The following PACS2 variants were observed in gnomAD, a reference collection of about 807,000 sequenced individuals.
PACS2 encodes phosphofurin acidic cluster sorting protein 2, also known as PACS1-like protein.
PACS2 carries 36 observed loss-of-function variants against 113.0 expected under a neutral mutation model. That is an observed-to-expected ratio of 0.32 (90% CI 0.24 to 0.42). PACS2 has a LOEUF of 0.42. PACS2 is among the 10% of genes least tolerant of loss of function. The pLI, the probability that PACS2 is intolerant of heterozygous loss-of-function variation, is 1.00. For synonymous variants in PACS2, 589 were observed against 536.1 expected, an observed-to-expected ratio of 1.10 and a Z score of -1.36; for missense variants, 1,015 against 1,239.5, an observed-to-expected ratio of 0.82 and a Z score of 2.72.
chr14:105,322,019 A>G (rs1595565082), intron 1 of PACS2, among the ~76,000 whole-genome samples: 2 of 149,720 alleles, frequency 1.3e-5, no homozygotes, highest in South Asian at 4.3e-4. Flanking sequence ...GCTCACTGCA[A>G]CCTCTCCTCC....
Position 105,315,641 on chromosome 14 carries a change from C to G in PACS2, c.119+604C>G, listed in dbSNP as rs2058568303. The stretch of plus-strand genomic sequence containing the variant: ...CAGTTGATCTTGCCATTGCGGAAGA[C>G]TGGCTGTTCTGCACTTGGTAGGGGG... On this transcript the variant is annotated intron_variant, in intron 1 of 24. Transcript: ENST00000447393. This position sits in a 1 kb window ranked among gnomAD's most constrained non-coding sequence, Gnocchi z 4.4. 6.6e-6 allele frequency: 1 copy of G among 152,294 alleles called. No homozygotes were observed. The highest frequency in any genetic ancestry group is 2.4e-5 in the African/African-American group (1 of 41,476). The allele number at this position is 152,294 out of a possible 1,614,324, so 9.4% of individuals were successfully genotyped here. A position where few individuals can be genotyped will look rare whatever the true frequency, so the allele number is the denominator to read the frequency against.
chr14:105,393,325 C>T lies in PACS2; in HGVS notation c.2586C>T (p.Asn862=). Reference sequence around the variant, plus strand: ...TCTGCACTGCCAGGCAGCAGCAGAACATGCTGCGGGGTGAGCACCACCGGC... The same window carrying T: ...TCTGCACTGCCAGGCAGCAGCAGAATATGCTGCGGGGTGAGCACCACCGGC... The part of the protein sequence containing the change: ...RLICTARQQQ[N]MLRVLIDGVE... Residue 862 remains asparagine, a synonymous_variant, in exon 24 of 25, where the codon AAC becomes AAT. Coordinates refer to ENST00000447393, the MANE Select transcript of PACS2 (RefSeq NM_001100913.3). The T allele has an allele frequency of 3.1e-6, 5 of 1,607,252 alleles. No individual in the cohort carries two copies. The highest frequency in any genetic ancestry group is 4.3e-6 in the Non-Finnish European group (5 of 1,176,388).
At chr14:105,334,810 G>A (rs587622420) in intron 1 of PACS2, among the ~76,000 whole-genome samples, 2 of 152,234 alleles carry the variant, frequency 1.3e-5, no homozygotes, top group East Asian at 1.9e-4. Context: ...AGCTCATAAC[G>A]TGCACTGCGG....
Position 105,356,828 on chromosome 14 carries a change from G to A in PACS2, c.423+1651G>A, listed in dbSNP as rs1191712961. 6.6e-6 allele frequency among the ~76,000 whole-genome samples: 1 copy of A among 150,692 alleles called. No individual in the cohort carries two copies. Among genetic ancestry groups the A allele is most frequent in the East Asian group, 1.9e-4 (1 of 5,166 alleles). On this transcript the variant is annotated intron_variant, in intron 4 of 24. Coordinates refer to ENST00000447393, the MANE Select transcript of PACS2 (RefSeq NM_001100913.3). This position sits in a 1 kb window ranked among gnomAD's most constrained non-coding sequence, Gnocchi z 4.0. ...GTTTCCCATTAGCCATGCAGGCGAT[G>A]TCCTGCTGATCCCTGCCGGTCCCTG...
At chr14:105,373,787 C>CAAA (rs587725045) in intron 8 of PACS2, among the ~76,000 whole-genome samples, 28 of 137,528 alleles carry the variant, frequency 2.0e-4, no homozygotes, top group African/African-American at 7.1e-4. Context: ...GACCCTGTCT[C>CAAA]AAAAAAAAAA....
intron 9 of PACS2, among the ~76,000 whole-genome samples, chr14:105,377,485 G>A (rs2080827357): frequency 6.6e-6 from 1 of 152,152 alleles, no homozygotes; most frequent in Non-Finnish European, 1.5e-5. Context: ...GGTCAGCTGG[G>A]GGCAGGAAGG....
intron 2 of PACS2, among the ~76,000 whole-genome samples, chr14:105,351,472 G>A (rs1363764991): frequency 3.9e-5 from 6 of 152,098 alleles, no homozygotes; most frequent in Admixed American, 2.6e-4. Flanking sequence ...CAGCATCTCC[G>A]TATTTTAAGT....
rs587753794 is a variant in PACS2 at position 105,393,488 on chromosome 14, T to C, written c.2596+153T>C. The C allele has an allele frequency of 1.4e-5, 7 of 511,272 alleles. No individual in the cohort carries two copies. In the South Asian group the frequency reaches 1.6e-4, roughly 11 times the overall value. The allele number at this position is 511,272 out of a possible 1,614,324, so 31.7% of individuals were successfully genotyped here. On this transcript the variant is annotated intron_variant, in intron 24 of 24. Transcript: ENST00000447393. ...CAAGCACATTCGATGAAGCCCTCAGTGAGGCTGACAACCTTCCAAATGCTG... is the reference window on the plus strand; with the variant it reads ...CAAGCACATTCGATGAAGCCCTCAGCGAGGCTGACAACCTTCCAAATGCTG...
rs587668149 is a variant in PACS2 at position 105,333,481 on chromosome 14, C to G, written c.120-15012C>G. 5.7e-4 allele frequency among the ~76,000 whole-genome samples: 87 copies of G among 152,322 alleles called. 2 individuals are homozygous for G. The South Asian group carries it at 7.7e-3, about 13-fold the overall frequency. On this transcript the variant is annotated intron_variant, in intron 1 of 24. Transcript: ENST00000447393. ...TCCTGTCCTGCTGGGGGCACAGTGT[C>G]TCGGCAGAAGGTTCTGGCTGCTCCC...
Position 105,314,986 on chromosome 14 carries a change from A to T in PACS2, c.68A>T (p.Asn23Ile). The T allele has an allele frequency of 8.0e-7, 1 of 1,247,354 alleles. No homozygotes were observed. Among genetic ancestry groups the T allele is most frequent in the Non-Finnish European group, 1.0e-6 (1 of 974,572 alleles). 77.3% of individuals were successfully genotyped at this position (1,247,354 alleles called of 1,614,324 possible). A position where few individuals can be genotyped will look rare whatever the true frequency, so the allele number is the denominator to read the frequency against. Residue 23 changes from asparagine (N) to isoleucine (I), a missense_variant, in exon 1 of 25, where the codon AAC becomes ATC. By Grantham distance (149) the Asn-to-Ile change is moderately radical. Around this residue, in one of 3 missense-constraint regions of PACS2, gnomAD observed 140 missense variants for 135.1 expected, o/e 1.04. Coordinates refer to ENST00000447393, the MANE Select transcript of PACS2 (RefSeq NM_001100913.3). Reference protein sequence around the residue: ...PGALNTPVPMNLFATWEVDGS... With the variant: ...PGALNTPVPMILFATWEVDGS... ...GCGCTCAACACGCCCGTGCCCATGA[A>T]CCTGTTCGCCACCTGGGAGGTGGAC...
chr14:105,392,597 T>A, intron 22 of PACS2, 22 bp from the exon 23 acceptor site: 1 of 1,572,564 alleles, frequency 6.4e-7, no homozygotes, highest in Non-Finnish European at 8.6e-7. Flanking sequence ...CAGGTGTGAA[T>A]GCCTCCCTCT....
chr14:105,379,976 G>A (rs587659464), intron 10 of PACS2, 104 bp from the exon 11 acceptor site: 7 of 1,319,786 alleles, frequency 5.3e-6, no homozygotes, highest in Middle Eastern at 3.7e-4. Flanking sequence ...ACACTGCCAC[G>A]CAGGTACCCC....
intron 1 of PACS2, among the ~76,000 whole-genome samples, chr14:105,320,375 G>T (rs1472829988): frequency 1.3e-5 from 2 of 151,398 alleles, no homozygotes; most frequent in African/African-American, 4.9e-5. Context: ...ATTTATTTAT[G>T]TATTTATTTT....
At chr14:105,379,608 C>T in intron 9 of PACS2, 131 bp from the exon 10 acceptor site, 2 of 728,248 alleles carry the variant, frequency 2.7e-6, no homozygotes, top group Non-Finnish European at 4.8e-6. Context: ...ACGGGCTCTT[C>T]TCTGGACCCA....
chr14:105,391,883 C>T (rs1295507146), intron 22 of PACS2, 117 bp downstream of exon 22: 32 of 1,111,364 alleles, frequency 2.9e-5, no homozygotes, highest in South Asian at 4.8e-5. Context: ...CTGTCAGCCA[C>T]GAAGGCGGAG....
intron 1 of PACS2, among the ~76,000 whole-genome samples, chr14:105,328,590 A>G (rs996592773): frequency 2.6e-5 from 4 of 152,134 alleles, no homozygotes; most frequent in African/African-American, 9.7e-5. Flanking sequence ...AGTGCCACGC[A>G]CTTGCTGGAG....
At chr14:105,327,522 G>A (rs1237996791) in intron 1 of PACS2, among the ~76,000 whole-genome samples, 1 of 152,204 alleles carries the variant, frequency 6.6e-6, no homozygotes, top group Non-Finnish European at 1.5e-5. Flanking sequence ...GCGGGGCCAG[G>A]AATCACAGCA....
rs1405407898 is a variant in PACS2 at position 105,394,828 on chromosome 14, G to T, written c.*156G>T. The T allele has an allele frequency of 1.6e-6, 1 of 630,900 alleles. No homozygotes were observed. Among genetic ancestry groups the T allele is most frequent in the East Asian group, 2.7e-5 (1 of 36,558 alleles). 39.1% of individuals were successfully genotyped at this position (630,900 alleles called of 1,614,324 possible). A position where few individuals can be genotyped will look rare whatever the true frequency, so the allele number is the denominator to read the frequency against. ...GCTCACAACGTGGAAACTAACGGGG[G>T]AGCTCCTGCCAGGAGCCGAATAACT... On this transcript the variant is annotated 3_prime_UTR_variant, in exon 25 of 25. Transcript: ENST00000447393.
intron 18 of PACS2, 128 bp from the exon 19 acceptor site, chr14:105,385,557 C>A: frequency 1.8e-6 from 1 of 568,004 alleles, no homozygotes; most frequent in Non-Finnish European, 3.1e-6. Context: ...GCAAAGCCAG[C>A]GCTCACGGGC....
Sources: gnomAD v4.1 joint callset for allele counts (sites outside exome capture counted in the v4.1 genomes callset) on GRCh38, gnomAD v4.1.1 for gene constraint, gnomAD v4.1.1 regional missense constraint, Gnocchi (gnomAD v3.1) non-coding constraint, MANE v1.5 for transcripts, NCBI Gene and HGNC (gene_info 2026-07-23, HGNC 2026-07-21) for gene names.